The following VPS37A variants were observed in gnomAD, a reference collection of about 807,000 sequenced individuals.
VPS37A encodes the protein vacuolar protein sorting-associated protein 37A.
A neutral mutation model predicts 49.8 loss-of-function variants in VPS37A; 30 were observed. The ratio of observed to expected loss-of-function variants is 0.60; its 90% CI spans 0.45 to 0.82. The LOEUF is 0.82. Among genes scored for constraint, VPS37A ranks in the 40% least tolerant of loss-of-function variants. The probability of loss-of-function intolerance (pLI) is 0.00; values close to 1 mark genes in which losing one functional copy is unlikely to be tolerated. For synonymous variants in VPS37A, 195 were observed against 160.6 expected (o/e 1.21, Z -1.62); for missense variants, 593 against 464.4 (o/e 1.28, Z -2.55).
chr8:17,258,383 T>C (rs996788222), intron 1 of VPS37A, among the ~76,000 whole-genome samples: 6 of 152,204 alleles, frequency 3.9e-5, no homozygotes, highest in African/African-American at 1.4e-4. Flanking sequence ...TTTTTCAGCA[T>C]CTGTTGAAAC....
intron 1 of VPS37A, among the ~76,000 whole-genome samples, chr8:17,249,010 C>G (rs1811730578): frequency 6.6e-6 from 1 of 152,176 alleles, no homozygotes; most frequent in Non-Finnish European, 1.5e-5. Flanking sequence ...AAGTTGTTAC[C>G]TTGGTAGACT....
At chr8:17,254,869 A>G (rs767780469) in intron 1 of VPS37A, among the ~76,000 whole-genome samples, 68 of 152,202 alleles carry the variant, frequency 4.5e-4, no homozygotes, top group Non-Finnish European at 7.5e-4. Context: ...TATCTAAATC[A>G]TAGAGATTTA....
At chr8:17,310,104 G>T in the VPS37A span, among the ~76,000 whole-genome samples, 2,825 of 152,080 alleles carry the variant, frequency 0.019, 108 homozygotes, top group African/African-American at 0.065. Context: ...GAGCTCGAGC[G>T]ATCCTCCCAC....
chr8:17,322,601 C>T, the VPS37A span, among the ~76,000 whole-genome samples: 1 of 152,166 alleles, frequency 6.6e-6, no homozygotes, highest in Admixed American at 6.5e-5. Flanking sequence ...AGTAGGATTG[C>T]TTGAGCCCAG....
the VPS37A span, among the ~76,000 whole-genome samples, chr8:17,332,852 A>C: frequency 6.6e-6 from 1 of 152,324 alleles, no homozygotes; most frequent in South Asian, 2.1e-4. Flanking sequence ...GTGTTTATCA[A>C]GCAGAATAAA....
chr8:17,256,707 C>T (rs1812500407), intron 1 of VPS37A, among the ~76,000 whole-genome samples: 1 of 151,528 alleles, frequency 6.6e-6, no homozygotes, highest in African/African-American at 2.4e-5. Context: ...GGCTGGAGTG[C>T]AATGGCACTG....
chr8:17,287,020 G>A (rs1482244052), intron 11 of VPS37A, among the ~76,000 whole-genome samples: 1 of 152,132 alleles, frequency 6.6e-6, no homozygotes, highest in Non-Finnish European at 1.5e-5. Flanking sequence ...ATATATTTCA[G>A]ATCATCCATT....
intron 11 of VPS37A, among the ~76,000 whole-genome samples, chr8:17,293,250 G>A (rs1455466929): frequency 6.6e-6 from 1 of 150,700 alleles, no homozygotes; most frequent in Non-Finnish European, 1.5e-5. Context: ...TTGGGCTGTT[G>A]ATACTATGTA....
At chr8:17,304,768 T>TGTGTGTGTGTGTGTGTG (rs1563315402), downstream of VPS37A, among the ~76,000 whole-genome samples, 14 of 147,614 alleles carry the variant, frequency 9.5e-5, no homozygotes, top group South Asian at 1.1e-3. Flanking sequence ...TGTGTGTGTG[T>TGTGTGTGTGTGTGTGTG]TAAGCTGTTC....
chr8:17,253,617 C>T (rs1812172094), intron 1 of VPS37A, among the ~76,000 whole-genome samples: 1 of 152,178 alleles, frequency 6.6e-6, no homozygotes, highest in Non-Finnish European at 1.5e-5. Context: ...CTGTATTTCC[C>T]TGATTTACTT....
At chr8:17,306,252 C>A (rs1817449772), downstream of VPS37A, among the ~76,000 whole-genome samples, 1 of 152,070 alleles carries the variant, frequency 6.6e-6, no homozygotes, top group East Asian at 1.9e-4. Context: ...TTTTTAAATT[C>A]ATTCCTTAAA....
chr8:17,280,396 A>G lies in VPS37A; in HGVS notation c.922A>G (p.Lys308Glu), dbSNP rs1177825434. The G allele has an allele frequency of 6.2e-7, 1 of 1,609,836 alleles. No individual in the cohort carries two copies. Among genetic ancestry groups the G allele is most frequent in the Non-Finnish European group, 8.5e-7 (1 of 1,178,568 alleles). Residue 308 changes from lysine (K) to glutamate (E), a missense_variant, in exon 9 of 12, where the codon AAG (lysine) becomes GAG (glutamate). Physicochemically the swap from Lys to Glu is moderately conservative, Grantham distance 56 (BLOSUM62 1). Coordinates refer to ENST00000324849, the MANE Select transcript of VPS37A (RefSeq NM_152415.3). ...TTAGTATGAATTACTTACACAGATGAAGTCCACTTTCGAAAAGAAGATGCA... is the reference window on the plus strand; with the variant it reads ...TTAGTATGAATTACTTACACAGATGGAGTCCACTTTCGAAAAGAAGATGCA... ...LDKYELLTQM[K>E]STFEKKMQRQ...
chr8:17,304,077 AG>A (rs1290447205), downstream of VPS37A, among the ~76,000 whole-genome samples: 3 of 152,328 alleles, frequency 2.0e-5, no homozygotes, highest in East Asian at 5.8e-4. Flanking sequence ...ATTTGACTTA[AG>A]GCATTTGCAT....
intron 1 of VPS37A, among the ~76,000 whole-genome samples, chr8:17,260,051 T>A (rs1042890382): frequency 6.6e-6 from 1 of 152,138 alleles, no homozygotes; most frequent in African/African-American, 2.4e-5. Flanking sequence ...AATTGGAGAA[T>A]TTAGTCCATT....
downstream of VPS37A, chr8:17,302,143 G>A: frequency 6.2e-7 from 1 of 1,613,996 alleles, no homozygotes; most frequent in Non-Finnish European, 8.5e-7. Flanking sequence ...AACAAAGCAA[G>A]TATGTCTTAC....
At chr8:17,248,127 A>T in intron 1 of VPS37A, 2 of 358,950 alleles carry the variant, frequency 5.6e-6, no homozygotes, top group South Asian at 2.2e-5. Flanking sequence ...TTTACATTGC[A>T]AATGTCTATG....
intron 1 of VPS37A, among the ~76,000 whole-genome samples, chr8:17,248,999 G>T (rs1175029760): frequency 2.0e-5 from 3 of 152,214 alleles, no homozygotes; most frequent in Admixed American, 2.0e-4. Flanking sequence ...TGTTCCCTTA[G>T]AAGTTGTTAC....
intron 11 of VPS37A, among the ~76,000 whole-genome samples, chr8:17,287,946 A>AC (rs1815763970): frequency 6.6e-6 from 1 of 152,150 alleles, no homozygotes; most frequent in African/African-American, 2.4e-5. Flanking sequence ...TAAAACAGGG[A>AC]CTAGGGTACA....
intron 11 of VPS37A, among the ~76,000 whole-genome samples, chr8:17,294,574 G>A (rs1377715425): frequency 7.2e-5 from 11 of 152,196 alleles, no homozygotes; most frequent in African/African-American, 2.4e-4. Flanking sequence ...CCCTGGTGGT[G>A]TAGGCACCTG....
Sources: allele counts gnomAD v4.1 joint callset (sites outside exome capture counted in the v4.1 genomes callset), GRCh38; gene constraint gnomAD v4.1.1; transcripts MANE v1.5; gene names NCBI Gene and HGNC (gene_info 2026-07-23, HGNC 2026-07-21).